RAB38: variants seen among roughly 807,000 people sequenced by gnomAD.
RAB38 encodes the protein ras-related protein Rab-38.
RAB38 carries 15 observed loss-of-function variants against 18.4 expected under a neutral mutation model. The ratio of observed to expected loss-of-function variants is 0.82; its 90% CI spans 0.55 to 1.26. The LOEUF is 1.26. Ranked by LOEUF, RAB38 falls within the 50% of genes most tolerant of loss-of-function variation. The pLI, the probability that RAB38 is intolerant of heterozygous loss-of-function variation, is 0.00. For synonymous variants in RAB38, 101 were observed against 104.4 expected, an observed-to-expected ratio of 0.97 and a Z score of 0.20; for missense variants, 294 against 267.4, an observed-to-expected ratio of 1.10 and a Z score of -0.69.
chr11:87,857,542 T>G, the RAB38 span, among the ~76,000 whole-genome samples: 1 of 152,342 alleles, frequency 6.6e-6, no homozygotes, highest in Non-Finnish European at 1.5e-5. Flanking sequence ...CCTGACTTTT[T>G]AATGGTCACC....
At chr11:87,934,161 A>G in the RAB38 span, among the ~76,000 whole-genome samples, 1 of 152,048 alleles carries the variant, frequency 6.6e-6, no homozygotes, top group African/African-American at 2.4e-5. Context: ...TCCAAGTTAA[A>G]CTGAAATCTG....
chr11:87,974,383 C>G, the RAB38 span, among the ~76,000 whole-genome samples: 2 of 151,572 alleles, frequency 1.3e-5, no homozygotes, highest in Non-Finnish European at 2.9e-5. Flanking sequence ...TTGGGCTTAA[C>G]AGCAGATTTG....
the RAB38 span, among the ~76,000 whole-genome samples, chr11:88,093,146 T>C: frequency 4.7e-4 from 71 of 151,970 alleles, no homozygotes; most frequent in African/African-American, 1.7e-3. Flanking sequence ...TGAGAAAGCA[T>C]ACAGATTGGT....
At chr11:87,807,222 C>T in the RAB38 span, among the ~76,000 whole-genome samples, 30 of 152,234 alleles carry the variant, frequency 2.0e-4, no homozygotes, top group Non-Finnish European at 3.5e-4. Flanking sequence ...TCTCTGGTGC[C>T]GAAAAGGTTG....
At chr11:88,096,895 T>C in the RAB38 span, among the ~76,000 whole-genome samples, 1 of 151,792 alleles carries the variant, frequency 6.6e-6, no homozygotes. Context: ...GGTGTGGTCA[T>C]GGAAGGGGCG....
At chr11:87,976,697 T>C in the RAB38 span, among the ~76,000 whole-genome samples, 5 of 61,532 alleles carry the variant, frequency 8.1e-5, no homozygotes, top group African/African-American at 2.3e-4. Context: ...ATTTACAATA[T>C]ATTTTTACAT....
chr11:88,085,731 T>C, the RAB38 span, among the ~76,000 whole-genome samples: 2 of 151,946 alleles, frequency 1.3e-5, no homozygotes, highest in African/African-American at 4.8e-5. Context: ...TGATGTGTTG[T>C]CCATGGTTGC....
At chr11:88,139,954 A>G (rs1464986380) in intron 2 of RAB38, among the ~76,000 whole-genome samples, 3 of 152,262 alleles carry the variant, frequency 2.0e-5, no homozygotes, top group Non-Finnish European at 4.4e-5. Context: ...AAATGACAGT[A>G]GCTAAAACTC....
the RAB38 span, among the ~76,000 whole-genome samples, chr11:88,006,831 G>T: frequency 6.6e-6 from 1 of 151,380 alleles, no homozygotes; most frequent in Non-Finnish European, 1.5e-5. Flanking sequence ...TAGAATAGTG[G>T]TTATCAGAGG....
the RAB38 span, among the ~76,000 whole-genome samples, chr11:88,092,290 A>AGGG: frequency 1.7e-3 from 51 of 29,490 alleles, no homozygotes; most frequent in Middle Eastern, 0.021. Flanking sequence ...AAGAAGGTGA[A>AGGG]GGAGACGGCC....
At chr11:87,971,788 CTCTG>C in the RAB38 span, among the ~76,000 whole-genome samples, 3 of 152,200 alleles carry the variant, frequency 2.0e-5, no homozygotes, top group South Asian at 6.2e-4. Flanking sequence ...TTACATCCTT[CTCTG>C]TCTATGCCTC....
chr11:88,137,843 T>C (rs1019821896), intron 2 of RAB38, among the ~76,000 whole-genome samples: 5 of 152,168 alleles, frequency 3.3e-5, no homozygotes, highest in African/African-American at 1.2e-4. Flanking sequence ...AGAATGAGAA[T>C]GGTATGAGAC....
intron 2 of RAB38, among the ~76,000 whole-genome samples, chr11:88,117,731 T>C (rs537941949): frequency 6.6e-6 from 1 of 152,332 alleles, no homozygotes; most frequent in African/African-American, 2.4e-5. Flanking sequence ...GAAAAATTAC[T>C]TTAACCACTT....
intron 2 of RAB38, among the ~76,000 whole-genome samples, chr11:88,147,077 C>A (rs1942997004): frequency 6.6e-6 from 1 of 152,146 alleles, no homozygotes; most frequent in African/African-American, 2.4e-5. Context: ...TCTTTTGACC[C>A]ACGGGTAATT....
the RAB38 span, among the ~76,000 whole-genome samples, chr11:88,056,333 G>C: frequency 2.0e-5 from 3 of 152,298 alleles, no homozygotes; most frequent in African/African-American, 7.2e-5. Flanking sequence ...TACCAGGAAT[G>C]TTAATAGCTG....
the RAB38 span, among the ~76,000 whole-genome samples, chr11:87,856,482 T>C: frequency 1.3e-5 from 2 of 152,204 alleles, no homozygotes; most frequent in Non-Finnish European, 2.9e-5. Flanking sequence ...CTGTTCCTTA[T>C]TGCAGCAACC....
the RAB38 span, among the ~76,000 whole-genome samples, chr11:87,876,926 T>C: frequency 6.6e-6 from 1 of 151,556 alleles, no homozygotes; most frequent in Non-Finnish European, 1.5e-5. Flanking sequence ...ATAGTTTCAG[T>C]AGAGAATCCC....
chr11:87,961,539 T>G, the RAB38 span, among the ~76,000 whole-genome samples: 5 of 152,110 alleles, frequency 3.3e-5, no homozygotes, highest in East Asian at 9.6e-4. Flanking sequence ...AATAAACCCA[T>G]CTGAGACCCA....
the RAB38 span, among the ~76,000 whole-genome samples, chr11:87,899,511 C>A: frequency 1.3e-5 from 2 of 151,466 alleles, no homozygotes; most frequent in Admixed American, 1.3e-4. Flanking sequence ...ATTTTTTGGC[C>A]ATTGTTATAT....
Sources: allele counts gnomAD v4.1 joint callset (sites outside exome capture counted in the v4.1 genomes callset), GRCh38; gene constraint gnomAD v4.1.1; transcripts MANE v1.5; gene names NCBI Gene and HGNC (gene_info 2026-07-23, HGNC 2026-07-21).